Variants in HTRA1 observed in about 807,000 individuals in gnomAD.
HTRA1 encodes the protein HtrA serine peptidase 1, also known as serine protease HTRA1.
In HTRA1, 26 loss-of-function variants were observed where a neutral mutation model predicts 49.7. The ratio of observed to expected loss-of-function variants is 0.52; its 90% CI spans 0.38 to 0.73. HTRA1 has a LOEUF of 0.73. Among genes scored for constraint, HTRA1 ranks in the 30% least tolerant of loss-of-function variants. HTRA1 has a pLI of 0.00. For missense variants in HTRA1, 561 were observed against 667.2 expected (o/e 0.84, Z 1.75); for synonymous variants, 291 against 286.9 (o/e 1.01, Z -0.14).
At chr10:122,513,717 G>T (rs971399117) in intron 8 of HTRA1, among the ~76,000 whole-genome samples, 1 of 150,140 alleles carries the variant, frequency 6.7e-6, no homozygotes, top group Admixed American at 6.7e-5. Context: ...TCTACCGATG[G>T]TTTATTTTTT....
intron 1 of HTRA1, among the ~76,000 whole-genome samples, chr10:122,486,802 CTG>C (rs918703320): frequency 6.6e-6 from 1 of 151,814 alleles, no homozygotes; most frequent in South Asian, 2.1e-4. Flanking sequence ...ATATGTGTGA[CTG>C]TATGTATGTG....
At chr10:122,471,763 T>C (rs893100630) in intron 1 of HTRA1, among the ~76,000 whole-genome samples, 1 of 152,208 alleles carries the variant, frequency 6.6e-6, no homozygotes, top group East Asian at 1.9e-4. Context: ...GCTGAGCCTT[T>C]GAGCCCTCCG....
At chr10:122,472,229 A>G (rs73367783) in intron 1 of HTRA1, among the ~76,000 whole-genome samples, 2 of 152,022 alleles carry the variant, frequency 1.3e-5, no homozygotes, top group African/African-American at 2.4e-5. Context: ...GACATGATGG[A>G]AAATGCATTT....
rs1335519173 is a variant in HTRA1 at position 122,487,770 on chromosome 10, C to T, written c.473-1132C>T. Reference sequence around the variant, plus strand: ...GTTGTTTCTAGGATGCACGCCCGTACAGTAGGTTACTGTACTGAATACTGT... The same window carrying T: ...GTTGTTTCTAGGATGCACGCCCGTATAGTAGGTTACTGTACTGAATACTGT... On this transcript the variant is annotated intron_variant, in intron 1 of 8. Coordinates refer to ENST00000368984, the MANE Select transcript of HTRA1 (RefSeq NM_002775.5). This position sits in a 1 kb window ranked among gnomAD's most constrained non-coding sequence, Gnocchi z 4.8. Among the ~76,000 whole-genome samples the T allele has an allele frequency of 6.6e-6, 1 of 152,202 alleles. No individual in the cohort carries two copies. Among genetic ancestry groups the T allele is most frequent in the Non-Finnish European group, 1.5e-5 (1 of 68,048 alleles).
intron 4 of HTRA1, 152 bp downstream of exon 4, chr10:122,507,037 GC>G: frequency 1.3e-6 from 1 of 770,100 alleles, no homozygotes; most frequent in South Asian, 1.5e-5. Context: ...CAGCAGCATG[GC>G]AGGGGTCACA....
chr10:122,482,631 C>T (rs982319187), intron 1 of HTRA1, among the ~76,000 whole-genome samples: 1 of 152,034 alleles, frequency 6.6e-6, no homozygotes, highest in Non-Finnish European at 1.5e-5. Flanking sequence ...ATTTAAAGCA[C>T]ATATTCGGCC....
chr10:122,489,383 G>C, intron 2 of HTRA1, 39 bp from the exon 3 acceptor site: 1 of 1,573,560 alleles, frequency 6.4e-7, no homozygotes, highest in Non-Finnish European at 8.7e-7. Flanking sequence ...TTCATTTTAA[G>C]GTGCTACAGG....
Position 122,490,360 on chromosome 10 carries a change from C to T in HTRA1, c.777+734C>T, listed in dbSNP as rs148751932. Reference sequence around the variant, plus strand: ...TTGGGAAATGCTGTATTTGAAAATGCTTTCTATTTAAATATTCTCTTTGCA... The same window carrying T: ...TTGGGAAATGCTGTATTTGAAAATGTTTTCTATTTAAATATTCTCTTTGCA... On this transcript the variant is annotated intron_variant, in intron 3 of 8. Coordinates refer to ENST00000368984, the MANE Select transcript of HTRA1 (RefSeq NM_002775.5). The surrounding 1 kb of genome is among the most constrained non-coding windows in gnomAD (Gnocchi z 4.2). Among the ~76,000 whole-genome samples, 1,385 of 152,230 alleles carry T rather than the reference C, an allele frequency of 9.1e-3. 11 individuals are homozygous for T. Among genetic ancestry groups the T allele is most frequent in the Non-Finnish European group, 0.013 (895 of 68,022 alleles).
rs1206843790 is a variant in HTRA1 at position 122,506,498 on chromosome 10, G to A, written c.778-193G>A. Among the ~76,000 whole-genome samples, 1 of 152,102 alleles carries A rather than the reference G, an allele frequency of 6.6e-6. No homozygotes were observed. The highest frequency in any genetic ancestry group is 2.4e-5 in the African/African-American group (1 of 41,424). On this transcript the variant is annotated intron_variant, in intron 3 of 8. Transcript: ENST00000368984. The surrounding 1 kb of genome is among the most constrained non-coding windows in gnomAD (Gnocchi z 5.2). Reference sequence around the variant, plus strand: ...CTGGCTCCCGCACGGCTTGCAATGTGTGGATTACGGGTGGGAGGGAAATCC... The same window carrying A: ...CTGGCTCCCGCACGGCTTGCAATGTATGGATTACGGGTGGGAGGGAAATCC...
At chr10:122,472,387 T>C (rs990266747) in intron 1 of HTRA1, among the ~76,000 whole-genome samples, 2 of 141,818 alleles carry the variant, frequency 1.4e-5, no homozygotes, top group Admixed American at 7.1e-5. Flanking sequence ...ATTATTATTA[T>C]TATTATTATT....
intron 7 of HTRA1, among the ~76,000 whole-genome samples, chr10:122,510,441 G>A (rs942722980): frequency 3.5e-4 from 53 of 152,090 alleles, no homozygotes; most frequent in African/African-American, 1.2e-3. Context: ...CAGTGTGTGC[G>A]TGGTGGGGCT....
intron 3 of HTRA1, among the ~76,000 whole-genome samples, chr10:122,496,888 T>C (rs1460659782): frequency 6.6e-6 from 1 of 152,172 alleles, no homozygotes; most frequent in East Asian, 1.9e-4. Context: ...CTGTGTGTTG[T>C]CTCATTTCTT....
chr10:122,493,213 A>G (rs559738101), intron 3 of HTRA1, among the ~76,000 whole-genome samples: 8 of 152,238 alleles, frequency 5.3e-5, no homozygotes, highest in South Asian at 2.1e-4. Context: ...AGGAGGTGAG[A>G]AGGTGTCCAC....
intron 6 of HTRA1, 110 bp downstream of exon 6, chr10:122,508,880 C>T (rs969177760): frequency 4.5e-5 from 33 of 733,202 alleles, no homozygotes; most frequent in East Asian, 1.5e-4. Flanking sequence ...CTAGCCAAGC[C>T]GTCTCTGATC....
rs1565426149 is a variant in HTRA1, at chr10:122,494,837, T to C, written c.777+5211T>C. Among the ~76,000 whole-genome samples, 2 of 152,154 alleles carry C rather than the reference T, an allele frequency of 1.3e-5. No individual in the cohort carries two copies. The highest frequency in any genetic ancestry group is 4.8e-5 in the African/African-American group (2 of 41,434). ...CTCATCAAGTTCAGACGGGGGTCAC[T>C]GCGGGTGAGGGGCCTGGGGCCTTTT... On this transcript the variant is annotated intron_variant, in intron 3 of 8. Transcript: ENST00000368984. This position sits in a 1 kb window ranked among gnomAD's most constrained non-coding sequence, Gnocchi z 4.0.
chr10:122,461,914 C>CA lies in HTRA1; in HGVS notation c.263dup (p.Cys89ValfsTer80). The CA allele has an allele frequency of 6.9e-7, 1 of 1,458,002 alleles. No homozygotes were observed. Among genetic ancestry groups the CA allele is most frequent in the Non-Finnish European group, 9.0e-7 (1 of 1,110,730 alleles). 90.3% of individuals were successfully genotyped at this position (1,458,002 alleles called of 1,614,324 possible). ...GGAGGGCCCGTGCGGCGAGGGGCTG[C>CA]AGTGCGTGGTGCCCTTCGGGGTGCC... On this transcript the variant is annotated frameshift_variant, in exon 1 of 9. Coordinates refer to ENST00000368984, the MANE Select transcript of HTRA1 (RefSeq NM_002775.5). LOFTEE classifies it high-confidence loss of function.
At chr10:122,510,704 G>A (rs2097505201) in intron 7 of HTRA1, among the ~76,000 whole-genome samples, 1 of 152,164 alleles carries the variant, frequency 6.6e-6, no homozygotes. Context: ...TTCTAAACTG[G>A]ATGAAAAATT....
chr10:122,493,932 T>C (rs2097497171), intron 3 of HTRA1, among the ~76,000 whole-genome samples: 1 of 150,604 alleles, frequency 6.6e-6, no homozygotes, highest in African/African-American at 2.4e-5. Flanking sequence ...CCCTGGGGCC[T>C]TGGCTGTTCC....
In HTRA1 at chr10:122,514,798, G is replaced by T; in HGVS notation, c.*439G>T. The T allele has an allele frequency of 4.6e-6, 1 of 217,460 alleles. No homozygotes were observed. The highest frequency in any genetic ancestry group is 9.3e-6 in the Non-Finnish European group (1 of 107,622). The allele number at this position is 217,460 out of a possible 1,614,324, so 13.5% of individuals were successfully genotyped here. A position where few individuals can be genotyped will look rare whatever the true frequency, so the allele number is the denominator to read the frequency against. On this transcript the variant is annotated 3_prime_UTR_variant, in exon 9 of 9. Coordinates refer to ENST00000368984, the MANE Select transcript of HTRA1 (RefSeq NM_002775.5). ...GGTCAATGCACAGAGACCCCGGGTG[G>T]GTGAGCGCTGGCTTCTCAAACGGCC...
Sources: gnomAD v4.1 joint callset for allele counts (sites outside exome capture counted in the v4.1 genomes callset) on GRCh38, gnomAD v4.1.1 for gene constraint, Gnocchi (gnomAD v3.1) non-coding constraint, MANE v1.5 for transcripts, NCBI Gene and HGNC (gene_info 2026-07-23, HGNC 2026-07-21) for gene names.